Variants in TBC1D4 observed in about 807,000 individuals in gnomAD.
TBC1D4 encodes the protein TBC (Tre-2, BUB2, CDC16) domain-containing protein.
Under a neutral mutation model 142.5 loss-of-function variants are expected in TBC1D4, and 121 were observed. The ratio of observed to expected loss-of-function variants is 0.85; its 90% CI spans 0.73 to 0.99. The LOEUF (loss-of-function observed/expected upper bound fraction) is 0.99. Ranked by LOEUF, TBC1D4 falls within the 50% of genes least tolerant of loss-of-function variation. The pLI is 0.00. For missense variants in TBC1D4, 1,475 were observed against 1,606.6 expected (o/e 0.92, Z 1.40); for synonymous variants, 630 against 628.2 (o/e 1.00, Z -0.04).
At chr13:75,390,444 T>C (rs763325749) in intron 1 of TBC1D4, among the ~76,000 whole-genome samples, 1 of 152,110 alleles carries the variant, frequency 6.6e-6, no homozygotes, top group African/African-American at 2.4e-5. Context: ...GCTTACACCA[T>C]GGCTGCTGAA....
chr13:75,409,974 G>A (rs898172602), intron 1 of TBC1D4, among the ~76,000 whole-genome samples: 2 of 152,226 alleles, frequency 1.3e-5, no homozygotes, highest in Middle Eastern at 3.4e-3. Context: ...GATTTCCCCA[G>A]CTTTCAGATT....
intron 1 of TBC1D4, among the ~76,000 whole-genome samples, chr13:75,390,574 T>C (rs935887634): frequency 3.0e-4 from 45 of 152,180 alleles, no homozygotes; most frequent in South Asian, 4.2e-4. Context: ...GCCCCAGAGT[T>C]AAAACACAAA....
intron 1 of TBC1D4, among the ~76,000 whole-genome samples, chr13:75,467,732 A>G (rs963232651): frequency 2.6e-5 from 4 of 152,216 alleles, no homozygotes; most frequent in African/African-American, 9.6e-5. Flanking sequence ...AGAATACTGC[A>G]GTCTTACTTG....
intron 8 of TBC1D4, among the ~76,000 whole-genome samples, chr13:75,329,507 T>C (rs1879571077): frequency 6.6e-6 from 1 of 151,402 alleles, no homozygotes; most frequent in African/African-American, 2.4e-5. Context: ...TGCCCCAATC[T>C]GGACATGTTA....
At chr13:75,287,425 G>A (rs1874803303) in intron 20 of TBC1D4, among the ~76,000 whole-genome samples, 1 of 152,078 alleles carries the variant, frequency 6.6e-6, no homozygotes, top group African/African-American at 2.4e-5. Flanking sequence ...CATACACTTG[G>A]GCTTTCATCA....
chr13:75,324,237 C>A lies in TBC1D4; in HGVS notation c.2198G>T (p.Arg733Ile). ...TGCAAACAGAGGACACTGATCTCACCTGATTTCATTTTCATACTGTGGGGA... is the reference window on the plus strand; with the variant it reads ...TGCAAACAGAGGACACTGATCTCACATGATTTCATTTTCATACTGTGGGGA... ...RLSPQYENEI[R>I]QDTASESSDG... is the part of the protein sequence containing the mutation. Residue 733 changes from arginine to isoleucine, a missense_variant and splice_region_variant, in exon 11 of 21, where the codon AGA (arginine) becomes ATA (isoleucine). Transcript: ENST00000377636. 1 of 1,613,710 alleles carries A rather than the reference C, an allele frequency of 6.2e-7. No individual in the cohort carries two copies. The highest frequency in any genetic ancestry group is 1.7e-5 in the Admixed American group (1 of 60,008).
At chr13:75,465,304 T>C (rs1369590748) in intron 1 of TBC1D4, among the ~76,000 whole-genome samples, 1 of 152,202 alleles carries the variant, frequency 6.6e-6, no homozygotes, top group Non-Finnish European at 1.5e-5. Context: ...ATTTGCTTTA[T>C]ACAACACTCT....
chr13:75,288,339 A>G (rs1183279363), intron 20 of TBC1D4, among the ~76,000 whole-genome samples: 1 of 152,098 alleles, frequency 6.6e-6, no homozygotes, highest in Non-Finnish European at 1.5e-5. Flanking sequence ...AGGTTCCCAG[A>G]TTGATCTTTC....
intron 14 of TBC1D4, 86 bp from the exon 15 acceptor site, chr13:75,306,557 C>A: frequency 6.6e-7 from 1 of 1,521,152 alleles, no homozygotes. Context: ...AAAACCATAC[C>A]AAATGACTTT....
At chr13:75,287,176 G>A (rs1874773259) in intron 20 of TBC1D4, 151 bp from the exon 21 acceptor site, 1 of 709,104 alleles carries the variant, frequency 1.4e-6, no homozygotes, top group Non-Finnish European at 2.4e-6. Flanking sequence ...TGATTTATTA[G>A]GTTTCACAAA....
chr13:75,406,993 A>G (rs992122104), intron 1 of TBC1D4, among the ~76,000 whole-genome samples: 1 of 152,202 alleles, frequency 6.6e-6, no homozygotes, highest in Non-Finnish European at 1.5e-5. Flanking sequence ...CATGATAGTT[A>G]TGTATCATTT....
At chr13:75,292,521 A>G (rs952162492) in intron 18 of TBC1D4, among the ~76,000 whole-genome samples, 3 of 152,204 alleles carry the variant, frequency 2.0e-5, no homozygotes, top group African/African-American at 7.2e-5. Flanking sequence ...CTGTCCATGA[A>G]CTACTTGTAA....
Position 75,286,557 on chromosome 13 carries a change from T to A in TBC1D4, c.*235A>T, listed in dbSNP as rs190693238. On this transcript the variant is annotated 3_prime_UTR_variant, in exon 21 of 21. Transcript: ENST00000377636. ...TCTGAAAGCATGAACTATGTTCATTTTATATATATATTTATATGTACATAG... is the reference window on the plus strand; with the variant it reads ...TCTGAAAGCATGAACTATGTTCATTATATATATATATTTATATGTACATAG... The A allele has an allele frequency of 3.5e-4, 148 of 422,006 alleles. 2 individuals carry two copies. The highest frequency in any genetic ancestry group is 2.1e-3 in the African/African-American group (106 of 50,762). The allele number at this position is 422,006 out of a possible 1,614,324, so 26.1% of individuals were successfully genotyped here.
intron 1 of TBC1D4, among the ~76,000 whole-genome samples, chr13:75,457,097 GA>G (rs1447833646): frequency 6.6e-6 from 1 of 152,102 alleles, no homozygotes. Context: ...TATGATGACA[GA>G]AATCAGGATA....
intron 1 of TBC1D4, among the ~76,000 whole-genome samples, chr13:75,465,556 ACTGGAGGTCCCTGT>A (rs1328379389): frequency 6.6e-6 from 1 of 152,144 alleles, no homozygotes; most frequent in Non-Finnish European, 1.5e-5. Context: ...GGCTTCTCAA[ACTGGAGGTCCCTGT>A]GCAAAGCAAA....
At chr13:75,424,298 AAAG>A (rs762103234) in intron 1 of TBC1D4, among the ~76,000 whole-genome samples, 146 of 1,578 alleles carry the variant, frequency 0.093, no homozygotes, top group Non-Finnish European at 0.43. Flanking sequence ...GAAAGAAAGA[AAAG>A]AAAAAAAGAA....
At chr13:75,452,199 T>C (rs1887562676) in intron 1 of TBC1D4, among the ~76,000 whole-genome samples, 1 of 152,200 alleles carries the variant, frequency 6.6e-6, no homozygotes, top group Admixed American at 6.6e-5. Flanking sequence ...AATCAGTTTA[T>C]AATGCTGGGG....
intron 2 of TBC1D4, among the ~76,000 whole-genome samples, chr13:75,361,448 TC>T (rs1281045968): frequency 2.0e-5 from 3 of 152,168 alleles, no homozygotes; most frequent in Admixed American, 6.5e-5. Context: ...GGGGTCAATC[TC>T]AGCTCACTAC....
intron 15 of TBC1D4, among the ~76,000 whole-genome samples, chr13:75,304,336 T>C (rs1175809833): frequency 1.3e-5 from 2 of 152,120 alleles, no homozygotes; most frequent in Non-Finnish European, 2.9e-5. Context: ...TAACAGAGAA[T>C]AAAGCAAGGC....
Sources: gnomAD v4.1 joint callset for allele counts (sites outside exome capture counted in the v4.1 genomes callset) on GRCh38, gnomAD v4.1.1 for gene constraint, MANE v1.5 for transcripts, NCBI Gene and HGNC (gene_info 2026-07-23, HGNC 2026-07-21) for gene names.